ACYP1: variants seen among roughly 807,000 people sequenced by gnomAD.
ACYP1 encodes the protein acylphosphatase 1, also known as acylphosphatase-1.
In ACYP1, 8 loss-of-function variants were observed where a neutral mutation model predicts 10.4. The ratio of observed to expected loss-of-function variants is 0.77; its 90% CI spans 0.45 to 1.38. ACYP1 has a LOEUF of 1.38. ACYP1 is among the 40% of genes most tolerant of loss of function. The pLI is 0.00. For missense variants in ACYP1, 93 were observed against 117.3 expected, an observed-to-expected ratio of 0.79 and a Z score of 0.96; for synonymous variants, 38 against 40.8, an observed-to-expected ratio of 0.93 and a Z score of 0.26.
intron 2 of ACYP1, among the ~76,000 whole-genome samples, chr14:75,061,249 T>C (rs565937159): frequency 4.2e-4 from 64 of 152,330 alleles, no homozygotes; most frequent in Non-Finnish European, 7.4e-4. Flanking sequence ...TTTGTGAATA[T>C]ACTAAAAATC....
At chr14:75,058,851 A>G (rs1892948254) in intron 2 of ACYP1, among the ~76,000 whole-genome samples, 1 of 152,214 alleles carries the variant, frequency 6.6e-6, no homozygotes, top group African/African-American at 2.4e-5. Context: ...CATAAAAATT[A>G]ACTCAAACTG....
At chr14:75,062,182 G>A (rs1893039516) in intron 2 of ACYP1, among the ~76,000 whole-genome samples, 1 of 148,094 alleles carries the variant, frequency 6.8e-6, no homozygotes, top group Admixed American at 6.7e-5. Context: ...TGTAATCCCA[G>A]CACACTGGTG....
intron 2 of ACYP1, among the ~76,000 whole-genome samples, chr14:75,057,987 A>AAAAAAAAAAAAAT (rs1304812247): frequency 6.8e-6 from 1 of 147,580 alleles, no homozygotes. Flanking sequence ...AAAAAAAAAA[A>AAAAAAAAAAAAAT]AGAACTACCT....
chr14:75,059,941 T>C (rs1056169871), intron 2 of ACYP1: 6 of 247,666 alleles, frequency 2.4e-5, no homozygotes, highest in African/African-American at 1.3e-4. Flanking sequence ...TTTATGATTG[T>C]CAGGGGCATG....
intron 2 of ACYP1, among the ~76,000 whole-genome samples, chr14:75,062,457 G>A (rs145012398): frequency 6.6e-6 from 1 of 151,808 alleles, no homozygotes; most frequent in East Asian, 1.9e-4. Flanking sequence ...ATGTTTCAAA[G>A]ATTCCTTCCA....
At chr14:75,062,659 CAAAAAAAAAAA>C (rs534860020) in intron 2 of ACYP1, among the ~76,000 whole-genome samples, 5 of 103,420 alleles carry the variant, frequency 4.8e-5, no homozygotes, top group Admixed American at 1.2e-4. Context: ...ACTAAAAATA[CAAAAAAAAAAA>C]AAAAAAAAAA....
At chr14:75,062,975 T>C (rs550784152) in intron 2 of ACYP1, 1 of 154,184 alleles carries the variant, frequency 6.5e-6, no homozygotes, top group South Asian at 2.0e-4. Context: ...AAAAGGTAAA[T>C]GTTCTTTCAA....
At chr14:75,061,057 G>A (rs1463726555) in intron 2 of ACYP1, among the ~76,000 whole-genome samples, 3 of 148,808 alleles carry the variant, frequency 2.0e-5, no homozygotes, top group African/African-American at 7.5e-5. Flanking sequence ...ACAGAATGAG[G>A]CAGAGTTGAG....
intron 2 of ACYP1, among the ~76,000 whole-genome samples, chr14:75,061,987 G>C (rs965069103): frequency 7.3e-5 from 11 of 150,862 alleles, no homozygotes; most frequent in Non-Finnish European, 1.3e-4. Flanking sequence ...TGTAATCTCA[G>C]CTACTTGGGA....
chr14:75,054,467 A>G (rs1479727986), intron 2 of ACYP1, among the ~76,000 whole-genome samples: 1 of 151,592 alleles, frequency 6.6e-6, no homozygotes, highest in African/African-American at 2.4e-5. Context: ...AATGTTTAGG[A>G]AAGGTAGCAA....
At chr14:75,054,134 A>G (rs772294867) in intron 2 of ACYP1, among the ~76,000 whole-genome samples, 3 of 152,256 alleles carry the variant, frequency 2.0e-5, no homozygotes, top group East Asian at 1.9e-4. Context: ...AGTGTTCATT[A>G]TATCTTTAAA....
At chr14:75,065,172 C>T (rs1893122165), upstream of ACYP1, among the ~76,000 whole-genome samples, 1 of 152,148 alleles carries the variant, frequency 6.6e-6, no homozygotes, top group Admixed American at 6.5e-5. Context: ...ATCCAGCTAC[C>T]CTTATGATTC....
chr14:75,055,079 CTTTTTTTTTTTTT>C (rs33920224), intron 2 of ACYP1, among the ~76,000 whole-genome samples: 12 of 75,084 alleles, frequency 1.6e-4, no homozygotes, highest in African/African-American at 4.6e-4. Context: ...TATCTGAACT[CTTTTTTTTTTTTT>C]TTTTTTTTTT....
chr14:75,065,480 A>C (rs1893127469), upstream of ACYP1, among the ~76,000 whole-genome samples: 1 of 152,222 alleles, frequency 6.6e-6, no homozygotes, highest in Non-Finnish European at 1.5e-5. Flanking sequence ...CTCTAAATAG[A>C]GTATCTTGCT....
At chr14:75,057,984 A>AAAC (rs1892921336) in intron 2 of ACYP1, among the ~76,000 whole-genome samples, 1 of 147,224 alleles carries the variant, frequency 6.8e-6, no homozygotes, top group Admixed American at 6.7e-5. Flanking sequence ...AAAAAAAAAA[A>AAAC]AAAAGAACTA....
At chr14:75,058,938 G>A (rs1189848531) in intron 2 of ACYP1, among the ~76,000 whole-genome samples, 3 of 151,824 alleles carry the variant, frequency 2.0e-5, no homozygotes, top group Non-Finnish European at 4.4e-5. Context: ...GGTGGCTCAC[G>A]CCTGTAATCC....
At chr14:75,068,661 G>A (rs143413187), upstream of ACYP1, among the ~76,000 whole-genome samples, 49 of 151,874 alleles carry the variant, frequency 3.2e-4, no homozygotes, top group African/African-American at 1.1e-3. Flanking sequence ...AACGTCTGGA[G>A]CTGCATATAC....
chr14:75,058,805 G>C (rs984540857), intron 2 of ACYP1, among the ~76,000 whole-genome samples: 2 of 146,040 alleles, frequency 1.4e-5, no homozygotes, highest in Admixed American at 1.3e-4. Flanking sequence ...ATATTCATAT[G>C]CAAAAGAATA....
rs144995874 is a variant in ACYP1 at position 75,053,247 on chromosome 14, G to T, written c.*197C>A. ...TTTTTAAAAGTACTCTAAGCAGAAG[G>T]TTCTAACGTTTTTATTGATTAGATT... is the stretch of plus-strand genomic sequence containing the variant. On this transcript the variant is annotated 3_prime_UTR_variant, in exon 3 of 3. Transcript: ENST00000238618. The T allele has an allele frequency of 7.5e-4, 437 of 585,838 alleles. 3 individuals are homozygous for T. Among genetic ancestry groups the T allele is most frequent in the African/African-American group, 6.9e-3 (372 of 53,574 alleles). 36.3% of individuals were successfully genotyped at this position (585,838 alleles called of 1,614,324 possible).
Sources: gnomAD v4.1 joint callset for allele counts (sites outside exome capture counted in the v4.1 genomes callset) on GRCh38, gnomAD v4.1.1 for gene constraint, MANE v1.5 for transcripts, NCBI Gene and HGNC (gene_info 2026-07-23, HGNC 2026-07-21) for gene names.